The following CTSA variants were observed in gnomAD, a reference collection of about 807,000 sequenced individuals.
CTSA encodes the protein cathepsin A, also known as lysosomal protective protein.
In CTSA, 42 loss-of-function variants were observed where a neutral mutation model predicts 66.7. That is an observed-to-expected ratio of 0.63 (90% CI 0.49 to 0.81). The LOEUF is 0.81. CTSA is among the 40% of genes least tolerant of loss of function. CTSA has a pLI of 0.00. For synonymous variants in CTSA, 225 were observed against 248.6 expected (o/e 0.91, Z 0.89); for missense variants, 525 against 610.9 (o/e 0.86, Z 1.48).
intron 13 of CTSA, 38 bp downstream of exon 13, chr20:45,897,844 T>C: frequency 6.5e-7 from 1 of 1,534,528 alleles, no homozygotes; most frequent in Non-Finnish European, 9.0e-7. Context: ...TAGGGGCTGC[T>C]GTGGAGGATT....
In CTSA at chr20:45,896,959, C is replaced by T. The variant is rs775108835; in HGVS notation, c.1089-6C>T. 8.7e-6 allele frequency: 14 copies of T among 1,613,488 alleles called. No individual in the cohort carries two copies. Among genetic ancestry groups the T allele is most frequent in the Middle Eastern group, 1.6e-4 (1 of 6,082 alleles). On this transcript the variant is annotated splice_region_variant and splice_polypyrimidine_tract_variant and intron_variant, in intron 11 of 14. Coordinates refer to ENST00000646241, the MANE Select transcript of CTSA (RefSeq NM_000308.4). Reference sequence around the variant, plus strand: ...TTCCTGGGGCCTGCTCGTATGTTCCCGGCAGCTTTCTGGTAAACTTACAGT... The same window carrying T: ...TTCCTGGGGCCTGCTCGTATGTTCCTGGCAGCTTTCTGGTAAACTTACAGT...
At position 45,892,135 on chromosome 20, in the gene CTSA, G is replaced by T. The variant is rs1013740573; in HGVS notation, c.306+108G>T. The stretch of plus-strand genomic sequence containing the variant: ...AAGTTTCCTTCCTTCTAAGCCTCGG[G>T]ATTTTCCTCTATGCCATTGGCTTTG... On this transcript the variant is annotated intron_variant, in intron 3 of 14. Coordinates refer to ENST00000646241, the MANE Select transcript of CTSA (RefSeq NM_000308.4). The T allele has an allele frequency of 7.0e-6, 10 of 1,433,062 alleles. No homozygotes were observed. The African/African-American group carries it at 1.1e-4, about 16-fold the overall frequency. 88.8% of individuals were successfully genotyped at this position (1,433,062 alleles called of 1,614,324 possible).
At position 45,897,901 on chromosome 20, in the gene CTSA, C is replaced by T. The variant is rs918890230; in HGVS notation, c.1254+95C>T. ...TGGCCAGCTGGCTGCCTGGCTCTGG[C>T]CCACAGAGGGCAAGTGTGGAGGAAT... On this transcript the variant is annotated intron_variant, in intron 13 of 14. Transcript: ENST00000646241. 23 of 1,527,236 alleles carry T rather than the reference C, an allele frequency of 1.5e-5. No individual in the cohort carries two copies. In the African/African-American group the frequency reaches 3.0e-4, roughly 20 times the overall value. 94.6% of individuals were successfully genotyped at this position (1,527,236 alleles called of 1,614,324 possible). A position where few individuals can be genotyped will look rare whatever the true frequency, so the allele number is the denominator to read the frequency against.
rs147908449 is a variant in CTSA, at chr20:45,892,874, C to T, written c.594C>T (p.Asn198=). The change falls in exon 6 of 15, where the codon AAC becomes AAT. Residue 198 remains asparagine (N), a synonymous_variant. Transcript: ENST00000646241. The stretch of plus-strand genomic sequence containing the variant: ...TGGTCATGCAGGATCCCAGCATGAA[C>T]CTTCAGGTGCAGGGTAGCTGCAGGA... ...AVLVMQDPSM[N]LQGLAVGNGL... The T allele has an allele frequency of 6.2e-7, 1 of 1,614,072 alleles. No individual in the cohort carries two copies. Among genetic ancestry groups the T allele is most frequent in the South Asian group, 1.1e-5 (1 of 91,084 alleles).
In CTSA at chr20:45,897,008, A is replaced by C; in HGVS notation, c.1132A>C (p.Asn378His). ...GTACCGCCGTCTCTACCGAAGCATG[A>C]ACTCCCAGTATCTGAAGCTGCTTAG... is the stretch of plus-strand genomic sequence containing the variant. Reference protein sequence around the residue: ...LQYRRLYRSMNSQYLKLLSSQ... With the variant: ...LQYRRLYRSMHSQYLKLLSSQ... Residue 378 changes from asparagine (N) to histidine (H), a missense_variant, in exon 12 of 15, where the codon AAC (asparagine) becomes CAC (histidine). Asn to His is a moderately conservative substitution (Grantham distance 68). Around this residue, in one of 3 missense-constraint regions of CTSA, gnomAD observed 274 missense variants for 321.1 expected, o/e 0.85. Coordinates refer to ENST00000646241, the MANE Select transcript of CTSA (RefSeq NM_000308.4). 6.2e-7 allele frequency: 1 copy of C among 1,614,058 alleles called. No homozygotes were observed. Among genetic ancestry groups the C allele is most frequent in the Non-Finnish European group, 8.5e-7 (1 of 1,179,986 alleles).
intron 7 of CTSA, among the ~76,000 whole-genome samples, chr20:45,893,716 T>C (rs1987093439): frequency 6.6e-6 from 1 of 152,202 alleles, no homozygotes; most frequent in South Asian, 2.1e-4. Context: ...ACTCCTGGCC[T>C]CAAATGATCT....
chr20:45,898,004 G>A lies in CTSA; in HGVS notation c.1255-1G>A. 8 of 1,614,170 alleles carry A rather than the reference G, an allele frequency of 5.0e-6. No individual in the cohort carries two copies. Among genetic ancestry groups the A allele is most frequent in the Non-Finnish European group, 6.8e-6 (8 of 1,179,998 alleles). ...GGCTGATGTCTTTCCTGGTGGGGCA[G>A]ATGGAGGTGCAGCGCCGGCCCTGGT... On this transcript the variant is annotated splice_acceptor_variant, in intron 13 of 14. Coordinates refer to ENST00000646241, the MANE Select transcript of CTSA (RefSeq NM_000308.4). LOFTEE classifies it high-confidence loss of function. This position sits in a 1 kb window ranked among gnomAD's most constrained non-coding sequence, Gnocchi z 4.6.
rs1031559384 is a variant in CTSA, at chr20:45,891,822, G to A, written c.194+60G>A. The A allele has an allele frequency of 2.5e-5, 40 of 1,611,418 alleles. 1 individual carries two copies. In the South Asian group the frequency reaches 2.9e-4, roughly 12 times the overall value. The stretch of plus-strand genomic sequence containing the variant: ...AAGAGATGACGGATGAGGGATGGGG[G>A]GTAGTTCTGCAGACCCCTGAGGATG... On this transcript the variant is annotated intron_variant, in intron 2 of 14. Transcript: ENST00000646241. This position sits in a 1 kb window ranked among gnomAD's most constrained non-coding sequence, Gnocchi z 4.6.
At chr20:45,893,644 G>A (rs973576682) in intron 7 of CTSA, among the ~76,000 whole-genome samples, 1 of 152,028 alleles carries the variant, frequency 6.6e-6, no homozygotes, top group Non-Finnish European at 1.5e-5. Flanking sequence ...CACCACACCT[G>A]CCTAATTTTT....
intron 6 of CTSA, 168 bp downstream of exon 6, chr20:45,893,048 C>A: frequency 2.1e-6 from 2 of 947,602 alleles, no homozygotes; most frequent in Non-Finnish European, 1.7e-6. Context: ...AGGAAACTCA[C>A]CTGTCAGGCT....
chr20:45,894,431 T>G, intron 8 of CTSA: 1 of 625,308 alleles, frequency 1.6e-6, no homozygotes. Flanking sequence ...GCTATGAATT[T>G]TGAAATCACT....
In CTSA at chr20:45,891,336, G is replaced by C; in HGVS notation, c.-44G>C. On this transcript the variant is annotated 5_prime_UTR_variant, in exon 1 of 15. Transcript: ENST00000646241. This position sits in a 1 kb window ranked among gnomAD's most constrained non-coding sequence, Gnocchi z 4.6. ...ACGTGACTCGTACACATGACTTCCA[G>C]TCCCCGGGCGCCTCCTGGAGAGCAA... 1 of 1,567,486 alleles carries C rather than the reference G, an allele frequency of 6.4e-7. No homozygotes were observed. Among genetic ancestry groups the C allele is most frequent in the East Asian group, 2.4e-5 (1 of 42,544 alleles).
At position 45,896,977 on chromosome 20, in the gene CTSA, C is replaced by T. The variant is rs201234134; in HGVS notation, c.1101C>T (p.Asn367=). ...PQWDMCNFLV[N]LQYRRLYRSM... ...ATGTTCCCGGCAGCTTTCTGGTAAA[C>T]TTACAGTACCGCCGTCTCTACCGAA... Residue 367 remains asparagine, a synonymous_variant, in exon 12 of 15, where the codon AAC becomes AAT. Coordinates refer to ENST00000646241, the MANE Select transcript of CTSA (RefSeq NM_000308.4). The T allele has an allele frequency of 1.4e-5, 23 of 1,614,046 alleles. No homozygotes were observed. In the East Asian group the frequency reaches 4.0e-4, roughly 28 times the overall value.
At chr20:45,895,624 C>T (rs1390540419) in intron 11 of CTSA, among the ~76,000 whole-genome samples, 3 of 151,932 alleles carry the variant, frequency 2.0e-5, no homozygotes, top group Admixed American at 6.6e-5. Flanking sequence ...CATTTCATTA[C>T]GTAGCCACAT....
chr20:45,892,049 A>T, intron 3 of CTSA, 22 bp downstream of exon 3: 1 of 1,595,054 alleles, frequency 6.3e-7, no homozygotes, highest in Non-Finnish European at 8.6e-7. Context: ...GCAGGGGGAA[A>T]GCACAGTTCC....
At position 45,891,633 on chromosome 20, in the gene CTSA, G is replaced by A; in HGVS notation, c.65G>A (p.Trp22Ter). 1 of 1,611,614 alleles carries A rather than the reference G, an allele frequency of 6.2e-7. No homozygotes were observed. The highest frequency in any genetic ancestry group is 8.5e-7 in the Non-Finnish European group (1 of 1,179,746). ...LLLLLLLLVS[W>*]ASRGEAAPDQ... ...CTGCTGCTGCTGCTGCTAGTGTCCT[G>A]GGCGTCCCGAGGCGAGGCAGCCCCC... Residue 22 changes from tryptophan to a stop codon, truncating the protein, a stop_gained, in exon 2 of 15, where the codon TGG becomes TAG. Transcript: ENST00000646241. LOFTEE classifies it high-confidence loss of function. This position sits in a 1 kb window ranked among gnomAD's most constrained non-coding sequence, Gnocchi z 4.6.
At chr20:45,894,575 A>C (rs1987137452) in intron 8 of CTSA, 75 bp from the exon 9 acceptor site, 2 of 1,321,014 alleles carry the variant, frequency 1.5e-6, no homozygotes, top group South Asian at 2.4e-5. Context: ...AGAGCAGTAA[A>C]TCTTGGGACA....
rs751539750 is a variant in CTSA at position 45,895,000 on chromosome 20, C to T, written c.955C>T (p.Leu319=). 6.2e-7 allele frequency: 1 copy of T among 1,614,172 alleles called. No individual in the cohort carries two copies. The highest frequency in any genetic ancestry group is 1.7e-5 in the Admixed American group (1 of 60,026). Residue 319 remains leucine, a synonymous_variant, in exon 11 of 15, where the codon CTG becomes TTG. Transcript: ENST00000646241. The part of the protein sequence containing the change: ...PLKRMWHQAL[L]RSGDKVRMDP... ...CACTGTCTGTGCCTTCCAGGCACTG[C>T]TGCGCTCAGGGGATAAAGTGCGCAT...
chr20:45,895,264 T>C lies in CTSA; in HGVS notation c.1088+131T>C, dbSNP rs901943384. The C allele has an allele frequency of 4.9e-6, 5 of 1,014,100 alleles. No homozygotes were observed. The African/African-American group carries it at 6.4e-5, about 13-fold the overall frequency. The allele number at this position is 1,014,100 out of a possible 1,614,324, so 62.8% of individuals were successfully genotyped here. A position where few individuals can be genotyped will look rare whatever the true frequency, so the allele number is the denominator to read the frequency against. The stretch of plus-strand genomic sequence containing the variant: ...AGCTGTAGAGGATGTTTAACATCCA[T>C]CCCTGACCCCTCAGTGGATTGAGAG... On this transcript the variant is annotated intron_variant, in intron 11 of 14. Transcript: ENST00000646241.
Sources: gnomAD v4.1 joint callset for allele counts (sites outside exome capture counted in the v4.1 genomes callset) on GRCh38, gnomAD v4.1.1 for gene constraint, gnomAD v4.1.1 regional missense constraint, Gnocchi (gnomAD v3.1) non-coding constraint, MANE v1.5 for transcripts, NCBI Gene and HGNC (gene_info 2026-07-23, HGNC 2026-07-21) for gene names.